SDHAF3: variants seen among roughly 807,000 people sequenced by gnomAD.
The protein encoded by SDHAF3 is succinate dehydrogenase assembly factor 3, mitochondrial.
In SDHAF3, 18 loss-of-function variants were observed where a neutral mutation model predicts 11.5. The ratio of observed to expected loss-of-function variants is 1.56; its 90% CI spans 1.08 to 2.32. SDHAF3 has a LOEUF of 2.32. Ranked by LOEUF, SDHAF3 falls within the 30% of genes most tolerant of loss-of-function variation. SDHAF3 has a pLI of 0.00. For missense variants in SDHAF3, 200 were observed against 154.4 expected (o/e 1.30, Z -1.57); for synonymous variants, 72 against 59.3 (o/e 1.21, Z -0.99).
chr7:97,135,668 G>GTGTGTGTATATATATATATATA (rs1491487810), intron 1 of SDHAF3: 1 of 63,934 alleles, frequency 1.6e-5, no homozygotes, highest in African/African-American at 7.1e-5. Context: ...GTGTGTGTGT[G>GTGTGTGTATATATATATATATA]TATATATATA....
Position 97,117,822 on chromosome 7 carries a change from G to C in SDHAF3, c.99G>C (p.Gln33His). The change falls in exon 1 of 2, where the codon CAG (glutamine) becomes CAC (histidine). Residue 33 changes from glutamine (Q) to histidine (H), a missense_variant. Physicochemically the swap from Gln to His is conservative, Grantham distance 24. Transcript: ENST00000432641. ...CGGACCTCAAATCCCTGGGCGACCA[G>C]TACGTGAAAGACGAATTTAGGAGAC... is the stretch of plus-strand genomic sequence containing the variant. ...LPPDLKSLGD[Q>H]YVKDEFRRHK... The C allele has an allele frequency of 6.2e-7, 1 of 1,614,188 alleles. No homozygotes were observed. Among genetic ancestry groups the C allele is most frequent in the Non-Finnish European group, 8.5e-7 (1 of 1,180,038 alleles).
chr7:97,143,579 G>A lies in SDHAF3; in HGVS notation c.174+25682G>A, dbSNP rs140728194. Reference sequence around the variant, plus strand: ...ATTTGTTTTTCCATTCGTGAGTTACGTCACTTGGAATGATAGTCTCCAGTC... The same window carrying A: ...ATTTGTTTTTCCATTCGTGAGTTACATCACTTGGAATGATAGTCTCCAGTC... On this transcript the variant is annotated intron_variant, in intron 1 of 1. Transcript: ENST00000432641. Among the ~76,000 whole-genome samples, 32 of 152,034 alleles carry A rather than the reference G, an allele frequency of 2.1e-4. No homozygotes were observed. In the East Asian group the frequency reaches 5.4e-3, roughly 26 times the overall value.
intron 1 of SDHAF3, among the ~76,000 whole-genome samples, chr7:97,121,586 C>A (rs1791497518): frequency 6.6e-6 from 1 of 152,076 alleles, no homozygotes; most frequent in African/African-American, 2.4e-5. Context: ...ATTTAAGACA[C>A]AAAAATGAAT....
chr7:97,130,334 A>G (rs1791649090), intron 1 of SDHAF3, among the ~76,000 whole-genome samples: 1 of 152,080 alleles, frequency 6.6e-6, no homozygotes, highest in Non-Finnish European at 1.5e-5. Flanking sequence ...CATTCAATAA[A>G]CCATCACAAA....
At position 97,164,403 on chromosome 7, in the gene SDHAF3, A is replaced by T. The variant is rs1436368975; in HGVS notation, c.175-16609A>T. 4.8e-5 allele frequency among the ~76,000 whole-genome samples: 7 copies of T among 144,754 alleles called. No homozygotes were observed. In the East Asian group the frequency reaches 1.2e-3, roughly 25 times the overall value. 95.0% of individuals were successfully genotyped at this position (144,754 alleles called of 152,430 possible). A position where few individuals can be genotyped will look rare whatever the true frequency, so the allele number is the denominator to read the frequency against. On this transcript the variant is annotated intron_variant, in intron 1 of 1. Coordinates refer to ENST00000432641, the MANE Select transcript of SDHAF3 (RefSeq NM_020186.3). ...AGTTCTTTTTTTTTTTTTTTTTCAG[A>T]CAGAGTTTCACTCTTGTTGCCCAGG...
At chr7:97,180,323 C>A (rs1200001552) in intron 1 of SDHAF3, among the ~76,000 whole-genome samples, 3 of 152,150 alleles carry the variant, frequency 2.0e-5, no homozygotes, top group Admixed American at 1.3e-4. Context: ...AAAGCATGTC[C>A]TTTGCAGCAA....
intron 1 of SDHAF3, among the ~76,000 whole-genome samples, chr7:97,180,051 C>CTGTT (rs1385304107): frequency 2.0e-5 from 3 of 152,050 alleles, no homozygotes; most frequent in Non-Finnish European, 4.4e-5. Context: ...TAGAGTGAGT[C>CTGTT]TGTTTCAAAA....
At chr7:97,123,379 G>A (rs10252102) in intron 1 of SDHAF3, among the ~76,000 whole-genome samples, 5 of 151,986 alleles carry the variant, frequency 3.3e-5, no homozygotes, top group East Asian at 1.9e-4. Flanking sequence ...CCACATTTTC[G>A]GTATCCAGCC....
At chr7:97,173,606 G>A (rs924863974) in intron 1 of SDHAF3, among the ~76,000 whole-genome samples, 3 of 147,122 alleles carry the variant, frequency 2.0e-5, no homozygotes, top group African/African-American at 7.6e-5. Flanking sequence ...AGGCTGGAGT[G>A]CAGTGGCGCG....
intron 1 of SDHAF3, among the ~76,000 whole-genome samples, chr7:97,148,812 G>GA (rs1313436498): frequency 6.6e-6 from 1 of 152,006 alleles, no homozygotes; most frequent in Non-Finnish European, 1.5e-5. Context: ...TGATCTAAAT[G>GA]AAAAAATTGT....
At chr7:97,162,022 A>G (rs573552064) in intron 1 of SDHAF3, among the ~76,000 whole-genome samples, 1 of 152,318 alleles carries the variant, frequency 6.6e-6, no homozygotes, top group South Asian at 2.1e-4. Context: ...GTCTTCCACA[A>G]TGGTTGAACT....
At chr7:97,158,450 C>T (rs1200950147) in intron 1 of SDHAF3, among the ~76,000 whole-genome samples, 2 of 152,134 alleles carry the variant, frequency 1.3e-5, no homozygotes, top group African/African-American at 4.8e-5. Flanking sequence ...GCCCCAGCCT[C>T]CTGAGTAGCT....
intron 1 of SDHAF3, among the ~76,000 whole-genome samples, chr7:97,165,514 A>T (rs1789489227): frequency 1.3e-5 from 2 of 151,832 alleles, no homozygotes; most frequent in Admixed American, 1.3e-4. Flanking sequence ...TTTTTTTGTG[A>T]TTGAAGAATT....
chr7:97,132,945 G>A (rs936298503), intron 1 of SDHAF3, among the ~76,000 whole-genome samples: 3 of 152,118 alleles, frequency 2.0e-5, no homozygotes, highest in Non-Finnish European at 4.4e-5. Flanking sequence ...ACTTAAATTT[G>A]TATAACATTG....
chr7:97,174,955 T>C (rs528638355), intron 1 of SDHAF3, among the ~76,000 whole-genome samples: 17 of 152,206 alleles, frequency 1.1e-4, no homozygotes, highest in Admixed American at 2.6e-4. Context: ...TTAGGTCTCT[T>C]GTGTTTCCTG....
chr7:97,161,911 T>C (rs1237626300), intron 1 of SDHAF3, among the ~76,000 whole-genome samples: 1 of 152,254 alleles, frequency 6.6e-6, no homozygotes, highest in African/African-American at 2.4e-5. Flanking sequence ...CATGTGTCTT[T>C]ATAGTAGAAT....
intron 1 of SDHAF3, among the ~76,000 whole-genome samples, chr7:97,133,506 C>T (rs749100690): frequency 1.3e-5 from 2 of 152,146 alleles, no homozygotes; most frequent in African/African-American, 2.4e-5. Flanking sequence ...CCTACAGCTT[C>T]GTTGCCCTTT....
chr7:97,128,581 G>A (rs146377948), intron 1 of SDHAF3, among the ~76,000 whole-genome samples: 6 of 152,032 alleles, frequency 3.9e-5, no homozygotes, highest in African/African-American at 1.4e-4. Flanking sequence ...GTGTGTAGAG[G>A]TATGTGTATA....
intron 1 of SDHAF3, among the ~76,000 whole-genome samples, chr7:97,163,934 A>G (rs1215015712): frequency 1.3e-5 from 2 of 150,340 alleles, no homozygotes; most frequent in African/African-American, 4.9e-5. Flanking sequence ...TGTATATGAA[A>G]TTTTGGGTTG....
Sources: gnomAD v4.1 joint callset for allele counts (sites outside exome capture counted in the v4.1 genomes callset) on GRCh38, gnomAD v4.1.1 for gene constraint, MANE v1.5 for transcripts, NCBI Gene and HGNC (gene_info 2026-07-23, HGNC 2026-07-21) for gene names.